Variants in CDK6 observed in about 807,000 individuals in gnomAD.
CDK6 encodes cyclin dependent kinase 6, also known as cyclin-dependent kinase 6.
A neutral mutation model predicts 37.1 loss-of-function variants in CDK6; 6 were observed. The ratio of observed to expected loss-of-function variants is 0.16; its 90% CI spans 0.09 to 0.32. The LOEUF (loss-of-function observed/expected upper bound fraction) is 0.32. Ranked by LOEUF, CDK6 falls within the 10% of genes least tolerant of loss-of-function variation. The pLI is 1.00. For synonymous variants in CDK6, 160 were observed against 161.3 expected (o/e 0.99, Z 0.06); for missense variants, 224 against 418.9 (o/e 0.53, Z 4.06).
At chr7:92,651,856 G>T (rs1330670695) in intron 5 of CDK6, among the ~76,000 whole-genome samples, 1 of 152,038 alleles carries the variant, frequency 6.6e-6, no homozygotes, top group Non-Finnish European at 1.5e-5. Context: ...AGGGGCAGGG[G>T]CATCCAGGGA....
intron 4 of CDK6, among the ~76,000 whole-genome samples, chr7:92,691,809 A>C (rs1797605326): frequency 1.3e-5 from 2 of 152,270 alleles, no homozygotes. Flanking sequence ...AGAAAATTTG[A>C]GTACTGAGAC....
At chr7:92,717,426 G>A (rs1798254348) in intron 4 of CDK6, among the ~76,000 whole-genome samples, 1 of 142,816 alleles carries the variant, frequency 7.0e-6, no homozygotes, top group South Asian at 2.2e-4. Flanking sequence ...AGGGAGGGAG[G>A]GAGGGAAGGA....
chr7:92,609,875 T>C lies in CDK6; in HGVS notation c.*5265A>G, dbSNP rs1795524106. ...TTAAATGATCAAAATGGGTGTATTA[T>C]CCATCCTTAAGAACAATTTATTTGC... is the stretch of plus-strand genomic sequence containing the variant. On this transcript the variant is annotated 3_prime_UTR_variant, in exon 8 of 8. Coordinates refer to ENST00000424848, the MANE Select transcript of CDK6 (RefSeq NM_001145306.2). 1 of 230,602 alleles carries C rather than the reference T, an allele frequency of 4.3e-6. No homozygotes were observed. The highest frequency in any genetic ancestry group is 2.2e-5 in the African/African-American group (1 of 45,226). The allele number at this position is 230,602 out of a possible 1,614,324, so 14.3% of individuals were successfully genotyped here.
In CDK6 at chr7:92,835,454, CT is replaced by C. The variant is rs1801635135; in HGVS notation, c.-368+1023del. The stretch of plus-strand genomic sequence containing the variant: ...CGGAGAGAAACGGGAGCAGCAATGC[CT>C]TTTCCCCCCCTCTCCTCCACTTTTT... On this transcript the variant is annotated intron_variant, in intron 1 of 7. Transcript: ENST00000424848. This position sits in a 1 kb window ranked among gnomAD's most constrained non-coding sequence, Gnocchi z 4.2. Among the ~76,000 whole-genome samples, 1 of 152,112 alleles carries C rather than the reference CT, an allele frequency of 6.6e-6. No individual in the cohort carries two copies. The highest frequency in any genetic ancestry group is 6.5e-5 in the Admixed American group (1 of 15,284).
At position 92,702,579 on chromosome 7, in the gene CDK6, A is replaced by T. The variant is rs74916203; in HGVS notation, c.537+23047T>A. Among the ~76,000 whole-genome samples, 866 of 152,242 alleles carry T rather than the reference A, an allele frequency of 5.7e-3. 5 individuals are homozygous for T. Among genetic ancestry groups the T allele is most frequent in the African/African-American group, 0.02 (829 of 41,536 alleles). On this transcript the variant is annotated intron_variant, in intron 4 of 7. Transcript: ENST00000424848. ...GAAAAAACTTCCATCTTAACTAGGCATTGATGAGAATAGAAACATTTGCTT... is the reference window on the plus strand; with the variant it reads ...GAAAAAACTTCCATCTTAACTAGGCTTTGATGAGAATAGAAACATTTGCTT...
At chr7:92,762,340 AC>A (rs147184793) in intron 3 of CDK6, among the ~76,000 whole-genome samples, 2,530 of 151,988 alleles carry the variant, frequency 0.017, 81 homozygotes, top group African/African-American at 0.059. Context: ...CTATTCTTGA[AC>A]CCCATCCTCC....
At chr7:92,823,819 T>C (rs1372857766) in intron 2 of CDK6, among the ~76,000 whole-genome samples, 1 of 152,046 alleles carries the variant, frequency 6.6e-6, no homozygotes, top group Non-Finnish European at 1.5e-5. Context: ...TGCAAAGATG[T>C]CTTTTTTCAG....
In CDK6 at chr7:92,786,636, CATATAT is replaced by C. The variant is rs35129215; in HGVS notation, c.234-11811_234-11806del. On this transcript the variant is annotated intron_variant, in intron 2 of 7. Transcript: ENST00000424848. ...CTCTGTGTGTGTGTGTGTGTGTATA[CATATAT>C]ATATATATATATATAAATAATCTGG... is the stretch of plus-strand genomic sequence containing the variant. Among the ~76,000 whole-genome samples the C allele has an allele frequency of 4.3e-5, 6 of 140,060 alleles. No homozygotes were observed. The East Asian group carries it at 6.2e-4, about 15-fold the overall frequency. 91.9% of individuals were successfully genotyped at this position (140,060 alleles called of 152,430 possible).
chr7:92,740,006 T>C (rs1562952128), intron 3 of CDK6, among the ~76,000 whole-genome samples: 1 of 152,276 alleles, frequency 6.6e-6, no homozygotes, highest in Non-Finnish European at 1.5e-5. Flanking sequence ...AACTCTTCTG[T>C]CTTGGCCTCC....
At position 92,753,493 on chromosome 7, in the gene CDK6, A is replaced by G. The variant is rs3731309; in HGVS notation, c.369+21203T>C. 7.0e-3 allele frequency among the ~76,000 whole-genome samples: 1,064 copies of G among 151,530 alleles called. 15 individuals are homozygous for G. Among genetic ancestry groups the G allele is most frequent in the African/African-American group, 0.025 (1,024 of 41,430 alleles). ...TAAAATTGCATAAGAAGATTATCTTATTTATTTATTTATTTTTGAGACGGA... is the reference window on the plus strand; with the variant it reads ...TAAAATTGCATAAGAAGATTATCTTGTTTATTTATTTATTTTTGAGACGGA... On this transcript the variant is annotated intron_variant, in intron 3 of 7. Transcript: ENST00000424848.
At chr7:92,618,234 A>T (rs1251520672) in intron 6 of CDK6, 27 bp from the exon 7 acceptor site, 1 of 1,611,836 alleles carries the variant, frequency 6.2e-7, no homozygotes. Context: ...CATGGACATA[A>T]GCATTAGCTA....
At chr7:92,701,467 G>T (rs1343631666) in intron 4 of CDK6, among the ~76,000 whole-genome samples, 1 of 151,126 alleles carries the variant, frequency 6.6e-6, no homozygotes, top group African/African-American at 2.4e-5. Flanking sequence ...GTGTAGTGGT[G>T]CGATCTCCAC....
chr7:92,760,098 G>C (rs1423331673), intron 3 of CDK6, among the ~76,000 whole-genome samples: 4 of 152,136 alleles, frequency 2.6e-5, no homozygotes, highest in Admixed American at 6.5e-5. Context: ...TGTCATTGTA[G>C]TAAAAATAGG....
intron 3 of CDK6, among the ~76,000 whole-genome samples, chr7:92,767,121 CT>C (rs1799601228): frequency 6.6e-6 from 1 of 152,054 alleles, no homozygotes. Flanking sequence ...ATTAATGTAG[CT>C]TTTTATAGGA....
chr7:92,725,100 C>A, intron 4 of CDK6: 4 of 985,420 alleles, frequency 4.1e-6, no homozygotes, highest in Non-Finnish European at 3.6e-6. Flanking sequence ...GTTATATGAG[C>A]CTTCACCTGG....
intron 2 of CDK6, among the ~76,000 whole-genome samples, chr7:92,790,363 C>T (rs1425246607): frequency 1.3e-5 from 2 of 152,178 alleles, no homozygotes; most frequent in Non-Finnish European, 2.9e-5. Context: ...TACAAAGGGC[C>T]TTTATCCTGT....
intron 5 of CDK6, among the ~76,000 whole-genome samples, chr7:92,654,656 G>T (rs188437277): frequency 1.6e-4 from 24 of 152,210 alleles, no homozygotes; most frequent in African/African-American, 5.1e-4. Flanking sequence ...GAGAGCAAAA[G>T]ATGTAATACT....
intron 4 of CDK6, among the ~76,000 whole-genome samples, chr7:92,720,973 T>C (rs551391823): frequency 6.6e-6 from 1 of 152,222 alleles, no homozygotes; most frequent in Non-Finnish European, 1.5e-5. Context: ...AACTTCCCTG[T>C]AACCTGTTCT....
At chr7:92,809,701 A>T (rs1384635797) in intron 2 of CDK6, among the ~76,000 whole-genome samples, 1 of 152,250 alleles carries the variant, frequency 6.6e-6, no homozygotes, top group African/African-American at 2.4e-5. Flanking sequence ...AAAAGTATCT[A>T]ATCCAGTGTG....
Sources: allele counts gnomAD v4.1 joint callset (sites outside exome capture counted in the v4.1 genomes callset), GRCh38; gene constraint gnomAD v4.1.1; non-coding constraint Gnocchi (gnomAD v3.1); transcripts MANE v1.5; gene names NCBI Gene and HGNC (gene_info 2026-07-23, HGNC 2026-07-21).